The following ZDHHC3 variants were observed in gnomAD, a reference collection of about 807,000 sequenced individuals.
ZDHHC3 encodes palmitoyltransferase ZDHHC3.
In ZDHHC3, 9 loss-of-function variants were observed where a neutral mutation model predicts 30.6. That is an observed-to-expected ratio of 0.29 (90% CI 0.18 to 0.51). The LOEUF (loss-of-function observed/expected upper bound fraction) is 0.51. Among genes scored for constraint, ZDHHC3 ranks in the 20% least tolerant of loss-of-function variants. The pLI, the probability that ZDHHC3 is intolerant of heterozygous loss-of-function variation, is 0.97. For missense variants in ZDHHC3, 246 were observed against 384.2 expected (o/e 0.64, Z 3.01); for synonymous variants, 136 against 140.2 (o/e 0.97, Z 0.21).
At chr3:44,942,243 G>A (rs1443749991) in intron 3 of ZDHHC3, among the ~76,000 whole-genome samples, 1 of 152,242 alleles carries the variant, frequency 6.6e-6, no homozygotes, top group East Asian at 1.9e-4. Context: ...TGGGCTCAAC[G>A]ACTATAAACA....
chr3:44,971,623 C>T (rs1705411216), intron 1 of ZDHHC3, among the ~76,000 whole-genome samples: 1 of 152,146 alleles, frequency 6.6e-6, no homozygotes, highest in South Asian at 2.1e-4. Context: ...TTAAATATTT[C>T]TACATTTGGT....
At chr3:44,933,801 G>T in intron 4 of ZDHHC3, 87 bp downstream of exon 4, 2 of 1,231,278 alleles carry the variant, frequency 1.6e-6, no homozygotes, top group Non-Finnish European at 2.4e-6. Flanking sequence ...TCTGAGCAAA[G>T]AACATCGTGA....
intron 2 of ZDHHC3, among the ~76,000 whole-genome samples, chr3:44,947,329 G>C (rs1057329200): frequency 2.0e-5 from 3 of 151,782 alleles, no homozygotes; most frequent in Admixed American, 6.6e-5. Context: ...AAGTAAGAGA[G>C]AAGATCAGTC....
At chr3:44,934,336 T>C (rs952952124) in intron 3 of ZDHHC3, among the ~76,000 whole-genome samples, 2 of 151,998 alleles carry the variant, frequency 1.3e-5, no homozygotes, top group South Asian at 4.1e-4. Flanking sequence ...TTTCAAAAAC[T>C]TGACCAAGTG....
At position 44,926,815 on chromosome 3, in the gene ZDHHC3, T is replaced by C; in HGVS notation, c.774A>G (p.Arg258=). 6.2e-7 allele frequency: 1 copy of C among 1,612,170 alleles called. No individual in the cohort carries two copies. Among genetic ancestry groups the C allele is most frequent in the Admixed American group, 1.7e-5 (1 of 59,462 alleles). The change falls in exon 7 of 7, where the codon AGA becomes AGG. Residue 258 remains arginine (R), a synonymous_variant. Coordinates refer to ENST00000424952, the MANE Select transcript of ZDHHC3 (RefSeq NM_001135179.2). ...TCATCCATTTTGTTTTTTTAGCCCATCTTCTCTCTTCCTTTTTCAATTGTT... is the reference window on the plus strand; with the variant it reads ...TCATCCATTTTGTTTTTTTAGCCCACCTTCTCTCTTCCTTTTTCAATTGTT... ...GIEQLKKEER[R]WAKKTKWMNM...
chr3:44,948,610 G>A lies in ZDHHC3; in HGVS notation c.307-3318C>T, dbSNP rs77942416. Among the ~76,000 whole-genome samples, 737 of 152,326 alleles carry A rather than the reference G, an allele frequency of 4.8e-3. 5 individuals are homozygous for A. Among genetic ancestry groups the A allele is most frequent in the African/African-American group, 0.017 (709 of 41,566 alleles). On this transcript the variant is annotated intron_variant, in intron 2 of 6. Coordinates refer to ENST00000424952, the MANE Select transcript of ZDHHC3 (RefSeq NM_001135179.2). ...GGCAGAGCACCTAGAGAAAGGCATGGCCACCAGTGCGTCAGGAGCTAAAGG... is the reference window on the plus strand; with the variant it reads ...GGCAGAGCACCTAGAGAAAGGCATGACCACCAGTGCGTCAGGAGCTAAAGG...
intron 5 of ZDHHC3, among the ~76,000 whole-genome samples, chr3:44,931,061 A>G (rs770385469): frequency 6.6e-5 from 10 of 152,100 alleles, no homozygotes; most frequent in Non-Finnish European, 1.0e-4. Flanking sequence ...CTCCCACTAC[A>G]CTTCAAACTC....
chr3:44,976,159 G>C lies in ZDHHC3; in HGVS notation c.-251C>G. 1.1e-6 allele frequency: 1 copy of C among 873,672 alleles called. No homozygotes were observed. The highest frequency in any genetic ancestry group is 3.2e-5 in the South Asian group (1 of 31,658). The allele number at this position is 873,672 out of a possible 1,614,324, so 54.1% of individuals were successfully genotyped here. A position where few individuals can be genotyped will look rare whatever the true frequency, so the allele number is the denominator to read the frequency against. On this transcript the variant is annotated 5_prime_UTR_variant, in exon 1 of 7. Transcript: ENST00000424952. ...TGGCGGCGGCCGCGGCTGCAGGAGCGGCCGCCGCGCAGGTTGATGACGCGC... is the reference window on the plus strand; with the variant it reads ...TGGCGGCGGCCGCGGCTGCAGGAGCCGCCGCCGCGCAGGTTGATGACGCGC...
Position 44,948,699 on chromosome 3 carries a change from A to T in ZDHHC3, c.307-3407T>A, listed in dbSNP as rs9843811. 9.2e-3 allele frequency among the ~76,000 whole-genome samples: 1,396 copies of T among 152,348 alleles called. 22 individuals are homozygous for T. Among genetic ancestry groups the T allele is most frequent in the African/African-American group, 0.029 (1,224 of 41,584 alleles). On this transcript the variant is annotated intron_variant, in intron 2 of 6. Transcript: ENST00000424952. ...AGGAGGATCCTGGTGGATACTAAGCAGGAGAGGAGCACCTGGGAGGAAAAT... is the reference window on the plus strand; with the variant it reads ...AGGAGGATCCTGGTGGATACTAAGCTGGAGAGGAGCACCTGGGAGGAAAAT...
At position 44,926,107 on chromosome 3, in the gene ZDHHC3, CAA is replaced by C; in HGVS notation, c.*580_*581del. On this transcript the variant is annotated 3_prime_UTR_variant, in exon 7 of 7. Transcript: ENST00000424952. ...CCAAGCCCATAAAGTACAAGGCAGG[CAA>C]TTGCTTTGCGAGTTAGCAGGCAAAC... The C allele has an allele frequency of 1.0e-6, 1 of 985,912 alleles. No individual in the cohort carries two copies. Among genetic ancestry groups the C allele is most frequent in the Non-Finnish European group, 1.2e-6 (1 of 829,986 alleles). 61.1% of individuals were successfully genotyped at this position (985,912 alleles called of 1,614,324 possible).
At chr3:44,938,157 T>C (rs1224100929) in intron 3 of ZDHHC3, 1 of 204,206 alleles carries the variant, frequency 4.9e-6, no homozygotes. Flanking sequence ...CTAATTTTTG[T>C]ATTTTTAGTG....
In ZDHHC3 at chr3:44,923,646, CA is replaced by C; in HGVS notation, c.*3042del. On this transcript the variant is annotated 3_prime_UTR_variant, in exon 7 of 7. Coordinates refer to ENST00000424952, the MANE Select transcript of ZDHHC3 (RefSeq NM_001135179.2). ...GTGAGACCCTGACTCTATTAAAAAA[CA>C]AAAAAATTAGCCAGGCATGGTAGTA... 2 of 838,302 alleles carry C rather than the reference CA, an allele frequency of 2.4e-6. No individual in the cohort carries two copies. The highest frequency in any genetic ancestry group is 2.9e-6 in the Non-Finnish European group (2 of 696,172). 51.9% of individuals were successfully genotyped at this position (838,302 alleles called of 1,614,324 possible).
rs1466770969 is a variant in ZDHHC3, at chr3:44,933,921, G to A, written c.495C>T (p.Gly165=). 9 of 1,613,992 alleles carry A rather than the reference G, an allele frequency of 5.6e-6. No individual in the cohort carries two copies. Among genetic ancestry groups the A allele is most frequent in the East Asian group, 2.2e-5 (1 of 44,878 alleles). The change falls in exon 4 of 7, where the codon GGC becomes GGT. Residue 165 remains glycine, a synonymous_variant. Transcript: ENST00000424952. The part of the protein sequence containing the change: ...HHCPWVNNCV[G]ENNQKYFVLF... Reference sequence around the variant, plus strand: ...GGACGAAGTACTTCTGGTTGTTCTCGCCTACACAGTTGTTGACCCAGGGAC... The same window carrying A: ...GGACGAAGTACTTCTGGTTGTTCTCACCTACACAGTTGTTGACCCAGGGAC...
At chr3:44,943,153 C>A (rs1250191832) in intron 3 of ZDHHC3, among the ~76,000 whole-genome samples, 1 of 152,180 alleles carries the variant, frequency 6.6e-6, no homozygotes, top group Non-Finnish European at 1.5e-5. Context: ...GTCTGCAGAT[C>A]TCTCTCTTTC....
chr3:44,923,418 A>C lies in ZDHHC3; in HGVS notation c.*3271T>G, dbSNP rs1320509931. 1.0e-6 allele frequency: 1 copy of C among 985,176 alleles called. No individual in the cohort carries two copies. Among genetic ancestry groups the C allele is most frequent in the Non-Finnish European group, 1.2e-6 (1 of 829,882 alleles). The allele number at this position is 985,176 out of a possible 1,614,324, so 61.0% of individuals were successfully genotyped here. On this transcript the variant is annotated 3_prime_UTR_variant, in exon 7 of 7. Coordinates refer to ENST00000424952, the MANE Select transcript of ZDHHC3 (RefSeq NM_001135179.2). ...CTTAAAATGTTTGTTAATTTACCTC[A>C]CCTAAACGGTTTCTGCATTAGGGGA...
chr3:44,927,029 G>T (rs1023456663), intron 6 of ZDHHC3, among the ~76,000 whole-genome samples, 182 bp from the exon 7 acceptor site: 3 of 151,996 alleles, frequency 2.0e-5, no homozygotes, highest in African/African-American at 7.2e-5. Flanking sequence ...TTTTTGGTGG[G>T]CACTCATTCA....
At position 44,924,009 on chromosome 3, in the gene ZDHHC3, G is replaced by GA. The variant is rs777894215; in HGVS notation, c.*2679dup. On this transcript the variant is annotated 3_prime_UTR_variant, in exon 7 of 7. Transcript: ENST00000424952. ...GAACACAAACCTGACAGAGTTGACA[G>GA]AAGGAAAGCAAGCTGGGGATCACAA... is the stretch of plus-strand genomic sequence containing the variant. 196 of 985,310 alleles carry GA rather than the reference G, an allele frequency of 2.0e-4. No homozygotes were observed. The highest frequency in any genetic ancestry group is 4.3e-4 in the Admixed American group (7 of 16,266). The allele number at this position is 985,310 out of a possible 1,614,324, so 61.0% of individuals were successfully genotyped here.
intron 3 of ZDHHC3, chr3:44,937,987 C>T: frequency 2.4e-6 from 1 of 425,202 alleles, no homozygotes; most frequent in Non-Finnish European, 4.7e-6. Flanking sequence ...AGCGGAAATA[C>T]CACTTTTTTT....
In ZDHHC3 at chr3:44,925,933, C is replaced by T; in HGVS notation, c.*756G>A. 1 of 985,722 alleles carries T rather than the reference C, an allele frequency of 1.0e-6. No homozygotes were observed. Among genetic ancestry groups the T allele is most frequent in the East Asian group, 1.1e-4 (1 of 8,810 alleles). 61.1% of individuals were successfully genotyped at this position (985,722 alleles called of 1,614,324 possible). On this transcript the variant is annotated 3_prime_UTR_variant, in exon 7 of 7. Coordinates refer to ENST00000424952, the MANE Select transcript of ZDHHC3 (RefSeq NM_001135179.2). Reference sequence around the variant, plus strand: ...CTGAAATTGTGTAATTTTTTTTCCTCTTGATTGTATAAGGCATTTTGAACT... The same window carrying T: ...CTGAAATTGTGTAATTTTTTTTCCTTTTGATTGTATAAGGCATTTTGAACT...
Sources: allele counts gnomAD v4.1 joint callset (sites outside exome capture counted in the v4.1 genomes callset), GRCh38; gene constraint gnomAD v4.1.1; transcripts MANE v1.5; gene names NCBI Gene and HGNC (gene_info 2026-07-23, HGNC 2026-07-21).